The following RNF130 variants were observed in gnomAD, a reference collection of about 807,000 sequenced individuals.
The protein encoded by RNF130 is E3 ubiquitin-protein ligase RNF130.
RNF130 carries 21 observed loss-of-function variants against 44.6 expected under a neutral mutation model. The ratio of observed to expected loss-of-function variants is 0.47; its 90% CI spans 0.33 to 0.68. The LOEUF is 0.68. RNF130 is among the 30% of genes least tolerant of loss of function. The probability of loss-of-function intolerance (pLI) is 0.02; values close to 1 mark genes in which losing one functional copy is unlikely to be tolerated. For missense variants in RNF130, 479 were observed against 560.6 expected (o/e 0.85, Z 1.47); for synonymous variants, 214 against 210.4 (o/e 1.02, Z -0.15).
intron 7 of RNF130, chr5:179,934,046 C>T (rs572725353): frequency 4.5e-5 from 12 of 267,068 alleles, no homozygotes; most frequent in Non-Finnish European, 8.0e-5. Flanking sequence ...GATCAGATTT[C>T]AGATTTGCCA....
chr5:179,990,449 C>T (rs6881316), intron 3 of RNF130, among the ~76,000 whole-genome samples: 21,895 of 152,162 alleles, frequency 0.14, 3,838 homozygotes, highest in African/African-American at 0.42. Context: ...AACATGAGAG[C>T]GGACCAGGGG....
chr5:180,038,385 A>AG (rs201371560), intron 2 of RNF130, among the ~76,000 whole-genome samples: 3 of 120,972 alleles, frequency 2.5e-5, no homozygotes, highest in Non-Finnish European at 5.4e-5. Flanking sequence ...TGTCTCGGGG[A>AG]GGGGGAAAAA....
intron 2 of RNF130, among the ~76,000 whole-genome samples, chr5:180,018,936 A>G (rs1002204405): frequency 2.6e-5 from 4 of 152,224 alleles, no homozygotes; most frequent in African/African-American, 7.2e-5. Flanking sequence ...CAGGAAGAGA[A>G]CAAATGAGCT....
At chr5:180,043,902 T>C (rs1764488319) in intron 1 of RNF130, among the ~76,000 whole-genome samples, 1 of 152,224 alleles carries the variant, frequency 6.6e-6, no homozygotes, top group African/African-American at 2.4e-5. Flanking sequence ...GTATTTATTA[T>C]TCAGAAGAAA....
chr5:179,980,809 C>G (rs561827430), intron 3 of RNF130, among the ~76,000 whole-genome samples: 4 of 152,162 alleles, frequency 2.6e-5, no homozygotes, highest in Non-Finnish European at 5.9e-5. Context: ...CAGAGAAACT[C>G]CAAGGCTGGA....
intron 7 of RNF130, among the ~76,000 whole-genome samples, chr5:179,965,287 C>A (rs1582146105): frequency 6.6e-6 from 1 of 152,338 alleles, no homozygotes; most frequent in East Asian, 1.9e-4. Context: ...CAGTGCCTGG[C>A]ACACAGTGGG....
intron 7 of RNF130, among the ~76,000 whole-genome samples, chr5:179,937,953 A>T (rs1761918469): frequency 6.6e-6 from 1 of 150,836 alleles, no homozygotes; most frequent in Non-Finnish European, 1.5e-5. Context: ...AGAGAGAGAG[A>T]GAGAGAGAGA....
At chr5:180,021,983 T>C (rs1459279199) in intron 2 of RNF130, among the ~76,000 whole-genome samples, 2 of 152,236 alleles carry the variant, frequency 1.3e-5, no homozygotes, top group African/African-American at 4.8e-5. Flanking sequence ...TTTGTGACCT[T>C]GGCACTTTCG....
intron 1 of RNF130, among the ~76,000 whole-genome samples, chr5:180,063,069 G>A (rs1765023863): frequency 1.3e-5 from 2 of 152,150 alleles, no homozygotes; most frequent in East Asian, 1.9e-4. Flanking sequence ...ACCAGGTAGT[G>A]AACACCTCAT....
intron 1 of RNF130, among the ~76,000 whole-genome samples, chr5:180,055,602 G>C (rs1272440093): frequency 6.6e-6 from 1 of 152,132 alleles, no homozygotes; most frequent in African/African-American, 2.4e-5. Context: ...TTTGTTTTCA[G>C]ATAATACTGC....
Position 180,066,141 on chromosome 5 carries a change from C to T in RNF130, c.247+5315G>A, listed in dbSNP as rs534373752. 1.5e-4 allele frequency among the ~76,000 whole-genome samples: 23 copies of T among 152,266 alleles called. No homozygotes were observed. In the South Asian group the frequency reaches 4.4e-3, roughly 29 times the overall value. On this transcript the variant is annotated intron_variant, in intron 1 of 8. Coordinates refer to ENST00000521389, the MANE Select transcript of RNF130 (RefSeq NM_018434.6). ...CCCAAATCTCATTTTGAATTGTACTCCCATAATTTCCACATGCTGTGGGAG... is the reference window on the plus strand; with the variant it reads ...CCCAAATCTCATTTTGAATTGTACTTCCATAATTTCCACATGCTGTGGGAG...
At chr5:180,031,869 G>A (rs149888792) in intron 2 of RNF130, among the ~76,000 whole-genome samples, 5 of 152,214 alleles carry the variant, frequency 3.3e-5, no homozygotes, top group Admixed American at 1.3e-4. Flanking sequence ...ATTTCTACTC[G>A]CAATACATAA....
chr5:180,047,927 C>A (rs562949802), intron 1 of RNF130, among the ~76,000 whole-genome samples: 2 of 151,972 alleles, frequency 1.3e-5, no homozygotes, highest in African/African-American at 2.4e-5. Flanking sequence ...AATACTGACG[C>A]TCCCGAGTAC....
rs141132149 is a variant in RNF130, at chr5:179,926,237, G to A, written c.1151-5811C>T. ...GAGGTCAGCTTTATTTATAGGCCTAGGATTTATTATTCATGTGCCCGACTA... is the reference window on the plus strand; with the variant it reads ...GAGGTCAGCTTTATTTATAGGCCTAAGATTTATTATTCATGTGCCCGACTA... On this transcript the variant is annotated intron_variant, in intron 7 of 7. Coordinates refer to the RNF130 transcript ENST00000522208. Among the ~76,000 whole-genome samples the A allele has an allele frequency of 2.6e-4, 39 of 152,314 alleles. No homozygotes were observed. In the East Asian group the frequency reaches 6.0e-3, roughly 23 times the overall value.
chr5:180,013,106 G>A lies in RNF130; in HGVS notation c.648C>T (p.Tyr216=), dbSNP rs1000038066. 1 of 1,613,906 alleles carries A rather than the reference G, an allele frequency of 6.2e-7. No individual in the cohort carries two copies. The highest frequency in any genetic ancestry group is 1.3e-5 in the African/African-American group (1 of 74,914). The change falls in exon 3 of 9, where the codon TAC becomes TAT. Residue 216 remains tyrosine, a synonymous_variant. Coordinates refer to ENST00000521389, the MANE Select transcript of RNF130 (RefSeq NM_018434.6). Reference sequence around the variant, plus strand: ...TTGTGTACCTGATCTTCTGAATGAAGTAGAATATGAGCCATGCTGAAGAAA... The same window carrying A: ...TTGTGTACCTGATCTTCTGAATGAAATAGAATATGAGCCATGCTGAAGAAA... ...MIISSAWLIF[Y]FIQKIRYTNA...
chr5:180,071,360 G>T, intron 1 of RNF130, 96 bp downstream of exon 1: 1 of 1,150,772 alleles, frequency 8.7e-7, no homozygotes, highest in Non-Finnish European at 1.1e-6. Context: ...GGGCAGCGCG[G>T]GAGAGCCAGG....
chr5:179,920,578 C>T lies in RNF130; in HGVS notation c.1151-152G>A, dbSNP rs139590105. On this transcript the variant is annotated intron_variant, in intron 7 of 7. Coordinates refer to the RNF130 transcript ENST00000522208. ...TCTTATTAGAGAGATACAAAAAGTG[C>T]GGGCATCCTTCAATTCACGCAGGCT... is the stretch of plus-strand genomic sequence containing the variant. Among the ~76,000 whole-genome samples, 165 of 152,160 alleles carry T rather than the reference C, an allele frequency of 1.1e-3. 5 individuals are homozygous for T. The East Asian group carries it at 0.03, about 28-fold the overall frequency.
chr5:179,995,946 G>C (rs557747282), intron 3 of RNF130, among the ~76,000 whole-genome samples: 4 of 152,250 alleles, frequency 2.6e-5, no homozygotes, highest in Admixed American at 6.5e-5. Context: ...CCTCTAATCT[G>C]CTGTCTTTGG....
chr5:179,986,204 G>A (rs966772159), intron 3 of RNF130, among the ~76,000 whole-genome samples: 3 of 152,142 alleles, frequency 2.0e-5, no homozygotes, highest in Non-Finnish European at 2.9e-5. Flanking sequence ...TGTGCCTGTT[G>A]GTGTAGCTAT....
Sources: gnomAD v4.1 joint callset for allele counts (sites outside exome capture counted in the v4.1 genomes callset) on GRCh38, gnomAD v4.1.1 for gene constraint, MANE v1.5 for transcripts, NCBI Gene and HGNC (gene_info 2026-07-23, HGNC 2026-07-21) for gene names.